KDM6A: variants seen among roughly 807,000 people sequenced by gnomAD.
KDM6A encodes the protein lysine demethylase 6A.
Under a neutral mutation model 117.6 loss-of-function variants are expected in KDM6A, and 11 were observed. The observed-to-expected ratio is 0.09, with a 90% CI of 0.06 to 0.15. KDM6A has a LOEUF of 0.15. Among genes scored for constraint, KDM6A ranks in the 10% least tolerant of loss-of-function variants. KDM6A has a pLI of 1.00. For synonymous variants in KDM6A, 384 were observed against 396.1 expected, an observed-to-expected ratio of 0.97 and a Z score of 0.36; for missense variants, 799 against 1,077.3, an observed-to-expected ratio of 0.74 and a Z score of 3.62.
At chrX:44,952,623 TAGAG>T (rs763341701) in intron 2 of KDM6A, among the ~76,000 whole-genome samples, 10 of 111,869 alleles carry the variant, frequency 8.9e-5, no homozygotes, top group South Asian at 3.7e-4. Context: ...AAGTAGGAAA[TAGAG>T]AGACAGACAG....
intron 6 of KDM6A, 23 bp from the exon 7 acceptor site, chrX:45,034,908 A>AT (rs1375798879): frequency 8.4e-7 from 1 of 1,184,490 alleles, no homozygotes; most frequent in East Asian, 3.0e-5. Flanking sequence ...GACTGCATTA[A>AT]TTTTCTCACT....
chrX:44,929,259 T>C (rs78968037), intron 2 of KDM6A, among the ~76,000 whole-genome samples: 1 of 110,099 alleles, frequency 9.1e-6, no homozygotes, highest in African/African-American at 3.3e-5. Context: ...TTTTTTTTTT[T>C]TTCTTTGAAA....
intron 2 of KDM6A, among the ~76,000 whole-genome samples, chrX:44,917,362 A>G (rs1246884586): frequency 9.0e-6 from 1 of 111,560 alleles, no homozygotes; most frequent in Non-Finnish European, 1.9e-5. Context: ...AGCACAGTAG[A>G]ATTGTCTCTT....
intron 3 of KDM6A, among the ~76,000 whole-genome samples, chrX:44,969,048 G>A (rs2039183358): frequency 9.0e-6 from 1 of 110,898 alleles, no homozygotes; most frequent in Non-Finnish European, 1.9e-5. Context: ...TTACGAGGCA[G>A]GAGACTTAAA....
chrX:44,977,320 C>G (rs2039664826), intron 4 of KDM6A, among the ~76,000 whole-genome samples: 1 of 111,345 alleles, frequency 9.0e-6, no homozygotes, highest in Non-Finnish European at 1.9e-5. Flanking sequence ...GTGGTGCAAT[C>G]AGAGCTCACT....
intron 7 of KDM6A, among the ~76,000 whole-genome samples, chrX:45,037,287 ACT>A (rs2042859005): frequency 8.9e-6 from 1 of 112,029 alleles, no homozygotes; most frequent in Admixed American, 9.4e-5. Context: ...GTTTTTAAAT[ACT>A]GTGTTTTGAA....
At chrX:45,074,449 T>C (rs2045018913) in intron 18 of KDM6A, among the ~76,000 whole-genome samples, 1 of 112,224 alleles carries the variant, frequency 8.9e-6, no homozygotes, top group Non-Finnish European at 1.9e-5. Context: ...TAAGTGGAAA[T>C]AGCTTATATT....
chrX:44,991,915 C>T (rs2040606707), intron 4 of KDM6A, among the ~76,000 whole-genome samples: 1 of 110,673 alleles, frequency 9.0e-6, no homozygotes. Flanking sequence ...TCTTGAACTC[C>T]TGACCTCAGG....
chrX:44,989,266 G>A (rs148641866), intron 4 of KDM6A, among the ~76,000 whole-genome samples: 2 of 101,582 alleles, frequency 2.0e-5, no homozygotes, highest in Non-Finnish European at 4.0e-5. Context: ...CAGTATTAGG[G>A]TGGGAGTGAC....
At chrX:44,942,268 C>T (rs939081449) in intron 2 of KDM6A, among the ~76,000 whole-genome samples, 4 of 110,677 alleles carry the variant, frequency 3.6e-5, no homozygotes, top group East Asian at 5.7e-4. Flanking sequence ...CTCTTGACCT[C>T]GTGATGCACC....
intron 4 of KDM6A, among the ~76,000 whole-genome samples, chrX:45,000,763 G>T (rs1397321146): frequency 8.9e-6 from 1 of 112,601 alleles, no homozygotes; most frequent in Non-Finnish European, 1.9e-5. Context: ...GGGCTGACCC[G>T]CAGGGTGCCG....
At chrX:44,916,933 G>A (rs1172972898) in intron 2 of KDM6A, among the ~76,000 whole-genome samples, 2 of 109,274 alleles carry the variant, frequency 1.8e-5, no homozygotes, top group Non-Finnish European at 3.8e-5. Context: ...AGGCTCATGA[G>A]CTATGGTGCC....
Position 44,898,515 on chromosome X carries a change from C to T in KDM6A, c.225+24528C>T, listed in dbSNP as rs180996754. Among the ~76,000 whole-genome samples, 32 of 111,289 alleles carry T rather than the reference C, an allele frequency of 2.9e-4. No individual in the cohort carries two copies. The East Asian group carries it at 9.1e-3, about 32-fold the overall frequency. ...CTTGCTGGGTCCTGTTGACACCAGG[C>T]CTGTGTGTGCAGGAGGGAGGTGGGA... On this transcript the variant is annotated intron_variant, in intron 2 of 29. Coordinates refer to ENST00000611820, the MANE Select transcript of KDM6A (RefSeq NM_001291415.2).
intron 27 of KDM6A, among the ~76,000 whole-genome samples, chrX:45,103,657 C>G (rs1255009849): frequency 8.9e-6 from 1 of 112,117 alleles, no homozygotes; most frequent in East Asian, 2.8e-4. Flanking sequence ...AAGTTGTTCT[C>G]TAAAATTCTA....
intron 2 of KDM6A, among the ~76,000 whole-genome samples, chrX:44,891,386 A>AT (rs2033347406): frequency 9.0e-6 from 1 of 111,274 alleles, no homozygotes; most frequent in Admixed American, 9.7e-5. Flanking sequence ...TGAAAAGGTC[A>AT]TTTTTTCTCC....
At chrX:44,979,285 T>TTTTC (rs1048949432) in intron 4 of KDM6A, among the ~76,000 whole-genome samples, 1 of 111,088 alleles carries the variant, frequency 9.0e-6, no homozygotes, top group Admixed American at 9.6e-5. Flanking sequence ...TTCTTTCTTG[T>TTTTC]TTTCTTTCTT....
At chrX:45,109,749 A>T (rs2046698027) in intron 28 of KDM6A, among the ~76,000 whole-genome samples, 1 of 111,627 alleles carries the variant, frequency 9.0e-6, no homozygotes, top group African/African-American at 3.3e-5. Context: ...ATGATCACTT[A>T]TGTCTGATTG....
At chrX:45,063,922 A>G (rs2044415033) in intron 17 of KDM6A, 105 bp downstream of exon 17, 1 of 815,919 alleles carries the variant, frequency 1.2e-6, no homozygotes, top group East Asian at 3.4e-5. Context: ...AACTGGTTTT[A>G]TAAGAATTTT....
At position 44,899,248 on chromosome X, in the gene KDM6A, TG is replaced by T. The variant is rs1243658303; in HGVS notation, c.225+25262del. On this transcript the variant is annotated intron_variant, in intron 2 of 29. Transcript: ENST00000611820. Reference sequence around the variant, plus strand: ...GCGTGTGTGTGTGTGTGTGTGTGTGTGTGTGTGTGTGTGTGTTTTCCATTGG... The same window carrying T: ...GCGTGTGTGTGTGTGTGTGTGTGTGTTGTGTGTGTGTGTGTTTTCCATTGG... 5.7e-3 allele frequency among the ~76,000 whole-genome samples: 577 copies of T among 100,701 alleles called. 4 individuals are homozygous for T. The highest frequency in any genetic ancestry group is 0.02 in the African/African-American group (546 of 26,811). 87.4% of individuals were successfully genotyped at this position (100,701 alleles called of 115,157 possible). A position where few individuals can be genotyped will look rare whatever the true frequency, so the allele number is the denominator to read the frequency against.
Sources: gnomAD v4.1 joint callset for allele counts (sites outside exome capture counted in the v4.1 genomes callset) on GRCh38, gnomAD v4.1.1 for gene constraint, MANE v1.5 for transcripts, NCBI Gene and HGNC (gene_info 2026-07-23, HGNC 2026-07-21) for gene names.